Variants in RANBP3L observed in about 807,000 individuals in gnomAD.
The protein encoded by RANBP3L is ran-binding protein 3-like.
RANBP3L carries 56 observed loss-of-function variants against 67.2 expected under a neutral mutation model. The ratio of observed to expected loss-of-function variants is 0.83; its 90% CI spans 0.67 to 1.04. The LOEUF (loss-of-function observed/expected upper bound fraction) is 1.04. RANBP3L is among the 50% of genes least tolerant of loss of function. The pLI, the probability that RANBP3L is intolerant of heterozygous loss-of-function variation, is 0.00. For synonymous variants in RANBP3L, 164 were observed against 181.4 expected (o/e 0.90, Z 0.77); for missense variants, 496 against 535.5 (o/e 0.93, Z 0.73).
intron 3 of RANBP3L, 112 bp from the exon 4 acceptor site, chr5:36,269,579 G>A: frequency 1.4e-6 from 1 of 699,416 alleles, no homozygotes; most frequent in Non-Finnish European, 2.6e-6. Flanking sequence ...ACCATCATTT[G>A]ATAGCACATT....
At chr5:36,291,138 T>A (rs1050190123) in intron 1 of RANBP3L, among the ~76,000 whole-genome samples, 1 of 151,882 alleles carries the variant, frequency 6.6e-6, no homozygotes, top group African/African-American at 2.4e-5. Flanking sequence ...TGTATTCACA[T>A]GTTTGTATAA....
intron 1 of RANBP3L, among the ~76,000 whole-genome samples, chr5:36,290,392 T>C (rs1751641353): frequency 6.6e-6 from 1 of 151,684 alleles, no homozygotes; most frequent in South Asian, 2.1e-4. Flanking sequence ...AATTTTTGTA[T>C]TTTTAGTAGA....
At chr5:36,249,718 G>T in intron 13 of RANBP3L, 21 bp from the exon 14 acceptor site, 1 of 1,429,538 alleles carries the variant, frequency 7.0e-7, no homozygotes, top group Non-Finnish European at 9.7e-7. Context: ...AATTTAAAAT[G>T]TTTTATTATA....
intron 1 of RANBP3L, among the ~76,000 whole-genome samples, chr5:36,274,383 G>A (rs1231403441): frequency 6.6e-6 from 1 of 152,064 alleles, no homozygotes; most frequent in South Asian, 2.1e-4. Flanking sequence ...CTTAGTTTTT[G>A]GGGTCAGGGT....
At chr5:36,251,596 A>G (rs1748600902) in intron 12 of RANBP3L, 97 bp from the exon 13 acceptor site, 2 of 967,462 alleles carry the variant, frequency 2.1e-6, no homozygotes, top group East Asian at 2.6e-5. Context: ...AAGGAATTAC[A>G]TGGCATAAAT....
chr5:36,269,495 AATTACTT>A, intron 3 of RANBP3L, 28 bp from the exon 4 acceptor site: 1 of 1,278,122 alleles, frequency 7.8e-7, no homozygotes, highest in South Asian at 1.2e-5. Flanking sequence ...GAAAGGCTAA[AATTACTT>A]GTGATAATAA....
At chr5:36,257,104 TC>T in intron 9 of RANBP3L, 33 bp from the exon 10 acceptor site, 1 of 1,581,676 alleles carries the variant, frequency 6.3e-7, no homozygotes. Flanking sequence ...CACTTAAAAG[TC>T]CCCATTTTCT....
chr5:36,278,779 T>C (rs929836224), intron 1 of RANBP3L, among the ~76,000 whole-genome samples: 4 of 152,216 alleles, frequency 2.6e-5, no homozygotes, highest in Admixed American at 2.6e-4. Flanking sequence ...GATATTAAAA[T>C]TAGTCATTCG....
intron 1 of RANBP3L, among the ~76,000 whole-genome samples, chr5:36,275,767 G>C: frequency 6.6e-6 from 1 of 152,098 alleles, no homozygotes; most frequent in East Asian, 1.9e-4. Context: ...AAATACCGTG[G>C]TGTGTGGAGA....
chr5:36,250,556 C>T (rs1379045919), intron 13 of RANBP3L, among the ~76,000 whole-genome samples: 1 of 151,966 alleles, frequency 6.6e-6, no homozygotes, highest in Non-Finnish European at 1.5e-5. Flanking sequence ...ACCACACTAT[C>T]GTTGTAATTG....
intron 1 of RANBP3L, among the ~76,000 whole-genome samples, chr5:36,283,875 G>A (rs1751149141): frequency 1.3e-5 from 2 of 152,150 alleles, no homozygotes; most frequent in Admixed American, 1.3e-4. Flanking sequence ...AATCTCATTA[G>A]CATTGAGTTA....
At chr5:36,288,258 C>T (rs962729010) in intron 1 of RANBP3L, among the ~76,000 whole-genome samples, 3 of 152,126 alleles carry the variant, frequency 2.0e-5, no homozygotes, top group African/African-American at 4.8e-5. Context: ...GGCTTATTTT[C>T]ACTCAATAAA....
At position 36,265,676 on chromosome 5, in the gene RANBP3L, A is replaced by C. The variant is rs570518770; in HGVS notation, c.269-156T>G. On this transcript the variant is annotated intron_variant, in intron 4 of 13. Coordinates refer to ENST00000296604, the MANE Select transcript of RANBP3L (RefSeq NM_145000.5). ...TGCCCTCTGGAGCACTGGCTCTGCG[A>C]AAAATGGGATTGCCAGCCAGGCGCG... Among the ~76,000 whole-genome samples the C allele has an allele frequency of 1.3e-3, 201 of 152,302 alleles. 1 individual carries two copies. In the Middle Eastern group the frequency reaches 0.017, roughly 13 times the overall value.
At chr5:36,263,742 G>T (rs996651373) in intron 6 of RANBP3L, among the ~76,000 whole-genome samples, 3 of 152,118 alleles carry the variant, frequency 2.0e-5, no homozygotes, top group Admixed American at 2.0e-4. Context: ...GCCTAGGCTT[G>T]TCTGGAACGT....
intron 8 of RANBP3L, among the ~76,000 whole-genome samples, chr5:36,258,748 C>G (rs1386287968): frequency 1.3e-5 from 2 of 152,228 alleles, no homozygotes; most frequent in Non-Finnish European, 2.9e-5. Context: ...AGGTATCTCT[C>G]TGCCTGCTCT....
chr5:36,251,895 A>T (rs1278806475), intron 12 of RANBP3L, among the ~76,000 whole-genome samples: 4 of 152,232 alleles, frequency 2.6e-5, no homozygotes, highest in Admixed American at 1.3e-4. Flanking sequence ...TCCAAACTAC[A>T]TAGCTTTGTG....
chr5:36,261,554 C>A (rs1749387755), intron 7 of RANBP3L, among the ~76,000 whole-genome samples: 1 of 152,060 alleles, frequency 6.6e-6, no homozygotes, highest in Non-Finnish European at 1.5e-5. Flanking sequence ...ATACTGCTTT[C>A]CTTGTTGCTT....
intron 11 of RANBP3L, among the ~76,000 whole-genome samples, chr5:36,254,607 G>A (rs1164504307): frequency 6.6e-6 from 1 of 151,920 alleles, no homozygotes; most frequent in Non-Finnish European, 1.5e-5. Flanking sequence ...AGAAATCTGT[G>A]TGCCAGTTAC....
intron 1 of RANBP3L, among the ~76,000 whole-genome samples, chr5:36,283,196 T>G (rs534238474): frequency 6.6e-6 from 1 of 152,090 alleles, no homozygotes; most frequent in African/African-American, 2.4e-5. Flanking sequence ...TAGCTGGGAT[T>G]ACAGGCATGT....
Sources: allele counts gnomAD v4.1 joint callset (sites outside exome capture counted in the v4.1 genomes callset), GRCh38; gene constraint gnomAD v4.1.1; transcripts MANE v1.5; gene names NCBI Gene and HGNC (gene_info 2026-07-23, HGNC 2026-07-21).